Variants in MTCL2 observed in about 807,000 individuals in gnomAD.
MTCL2 encodes the protein microtubule cross-linking factor 2.
chr20:36,814,293 C>T, the MTCL2 span, among the ~76,000 whole-genome samples: 21 of 152,086 alleles, frequency 1.4e-4, no homozygotes, highest in African/African-American at 4.3e-4. Context: ...TGATACATTG[C>T]GTTAAAAATA....
the MTCL2 span, among the ~76,000 whole-genome samples, chr20:36,841,474 T>G: frequency 6.6e-6 from 1 of 151,840 alleles, no homozygotes. Context: ...AAAAGAGACA[T>G]TTGAGCTGAG....
the MTCL2 span, among the ~76,000 whole-genome samples, chr20:36,807,307 G>A: frequency 6.6e-6 from 1 of 152,256 alleles, no homozygotes; most frequent in East Asian, 1.9e-4. Flanking sequence ...GGCTCCTCTG[G>A]AGTACCCCTG....
the MTCL2 span, among the ~76,000 whole-genome samples, chr20:36,855,880 G>A: frequency 6.6e-6 from 1 of 152,138 alleles, no homozygotes; most frequent in Non-Finnish European, 1.5e-5. Context: ...CTTGACTCCA[G>A]AGGTGGAGTT....
At chr20:36,786,720 A>G in the MTCL2 span, 2 of 1,329,020 alleles carry the variant, frequency 1.5e-6, no homozygotes, top group African/African-American at 1.5e-5. Context: ...TATGCCAGGC[A>G]AGGAACTGAG....
chr20:36,790,168 T>C, the MTCL2 span, among the ~76,000 whole-genome samples: 4 of 150,792 alleles, frequency 2.7e-5, no homozygotes, highest in African/African-American at 9.8e-5. Flanking sequence ...ACTTTTTGTA[T>C]TTTTAGTAGA....
chr20:36,803,436 G>A, the MTCL2 span, among the ~76,000 whole-genome samples: 3 of 152,096 alleles, frequency 2.0e-5, no homozygotes, highest in Non-Finnish European at 4.4e-5. Context: ...AGAGTGGCAG[G>A]AAAGGGAATG....
the MTCL2 span, chr20:36,794,756 C>A: frequency 1.1e-6 from 1 of 871,616 alleles, no homozygotes; most frequent in Non-Finnish European, 1.8e-6. The surrounding 1 kb of genome is among the most constrained non-coding windows in gnomAD (Gnocchi z 5.4). Flanking sequence ...GTCCCACATT[C>A]TGTCTGCATT....
At chr20:36,851,635 C>G in the MTCL2 span, among the ~76,000 whole-genome samples, 3 of 152,244 alleles carry the variant, frequency 2.0e-5, no homozygotes, top group Admixed American at 2.0e-4. Context: ...GAGAAGCCTT[C>G]CATGCTCCTC....
the MTCL2 span, chr20:36,863,154 G>C: frequency 2.9e-6 from 4 of 1,365,984 alleles, no homozygotes; most frequent in Non-Finnish European, 2.8e-6. This position sits in a 1 kb window ranked among gnomAD's most constrained non-coding sequence, Gnocchi z 6.2. Flanking sequence ...GGAGAACGCG[G>C]CGCTGCAGGC....
At chr20:36,853,500 C>T in the MTCL2 span, among the ~76,000 whole-genome samples, 3 of 152,062 alleles carry the variant, frequency 2.0e-5, no homozygotes, top group Non-Finnish European at 4.4e-5. Flanking sequence ...TTCCAGACAC[C>T]GGACTGAGAC....
At chr20:36,823,451 C>T in the MTCL2 span, among the ~76,000 whole-genome samples, 1 of 152,182 alleles carries the variant, frequency 6.6e-6, no homozygotes, top group African/African-American at 2.4e-5. Context: ...AAGCACTTTA[C>T]TTGCTTGTCT....
the MTCL2 span, among the ~76,000 whole-genome samples, chr20:36,796,312 C>A: frequency 6.6e-6 from 1 of 152,196 alleles, no homozygotes; most frequent in Non-Finnish European, 1.5e-5. Flanking sequence ...CTAGAACTGG[C>A]AGGGCTGGCA....
At chr20:36,778,075 C>G in the MTCL2 span, 1 of 422,896 alleles carries the variant, frequency 2.4e-6, no homozygotes, top group Admixed American at 4.5e-5. Context: ...ATCCACACAG[C>G]CTTTTGTAAA....
chr20:36,807,320 G>A, the MTCL2 span, among the ~76,000 whole-genome samples: 1 of 152,152 alleles, frequency 6.6e-6, no homozygotes, highest in Non-Finnish European at 1.5e-5. Flanking sequence ...TACCCCTGAT[G>A]GCGTAAGTGG....
At chr20:36,789,644 G>A in the MTCL2 span, among the ~76,000 whole-genome samples, 1 of 150,736 alleles carries the variant, frequency 6.6e-6, no homozygotes, top group African/African-American at 2.4e-5. Flanking sequence ...CAACCTGGGT[G>A]ACAGAGTGAG....
At chr20:36,815,388 A>C in the MTCL2 span, 7 of 1,613,232 alleles carry the variant, frequency 4.3e-6, no homozygotes, top group Non-Finnish European at 5.1e-6. The surrounding 1 kb of genome is among the most constrained non-coding windows in gnomAD (Gnocchi z 5.3). Context: ...CTCGTTGTCC[A>C]GACACAGCCG....
At chr20:36,820,725 C>G in the MTCL2 span, among the ~76,000 whole-genome samples, 2 of 151,972 alleles carry the variant, frequency 1.3e-5, no homozygotes, top group Non-Finnish European at 2.9e-5. Flanking sequence ...ACCTGTAATC[C>G]CAGCTACTAG....
the MTCL2 span, chr20:36,863,249 G>A: frequency 8.4e-7 from 1 of 1,197,506 alleles, no homozygotes; most frequent in South Asian, 4.1e-5. This position sits in a 1 kb window ranked among gnomAD's most constrained non-coding sequence, Gnocchi z 6.2. Context: ...GCGACGGCGC[G>A]CGGTGGCTCT....
chr20:36,844,692 A>G, the MTCL2 span, among the ~76,000 whole-genome samples: 4 of 151,554 alleles, frequency 2.6e-5, no homozygotes, highest in Non-Finnish European at 2.9e-5. Flanking sequence ...CCTGTCTCTA[A>G]AAGTAAAACA....
Sources: allele counts gnomAD v4.1 joint callset (sites outside exome capture counted in the v4.1 genomes callset), GRCh38; gene constraint gnomAD v4.1.1; non-coding constraint Gnocchi (gnomAD v3.1); transcripts MANE v1.5; gene names NCBI Gene and HGNC (gene_info 2026-07-23, HGNC 2026-07-21).